Variants in ROCK1 observed in about 807,000 individuals in gnomAD.
ROCK1 encodes the protein Rho associated coiled-coil containing protein kinase 1, also known as rho-associated protein kinase 1.
In ROCK1, 36 loss-of-function variants were observed where a neutral mutation model predicts 196.8. The ratio of observed to expected loss-of-function variants is 0.18; its 90% CI spans 0.14 to 0.24. The LOEUF (loss-of-function observed/expected upper bound fraction) is 0.24, where lower values mean the gene tolerates loss of function less well. Among genes scored for constraint, ROCK1 ranks in the 10% least tolerant of loss-of-function variants. The pLI, the probability that ROCK1 is intolerant of heterozygous loss-of-function variation, is 1.00. For missense variants in ROCK1, 920 were observed against 1,562.0 expected (o/e 0.59, Z 6.93); for synonymous variants, 443 against 515.9 (o/e 0.86, Z 1.91).
rs562757398 is a variant in ROCK1, at chr18:20,995,517, G to A, written c.1886-2580C>T. ...TCCCCAATTCCAGGTCCTGGTTCTTGGATGGCATTTCTGGACCTGCTCTGG... is the reference window on the plus strand; with the variant it reads ...TCCCCAATTCCAGGTCCTGGTTCTTAGATGGCATTTCTGGACCTGCTCTGG... On this transcript the variant is annotated intron_variant, in intron 16 of 32. Transcript: ENST00000399799. Among the ~76,000 whole-genome samples the A allele has an allele frequency of 2.6e-5, 4 of 152,250 alleles. No individual in the cohort carries two copies. In the East Asian group the frequency reaches 7.7e-4, roughly 29 times the overall value.
intron 13 of ROCK1, among the ~76,000 whole-genome samples, chr18:21,013,869 G>A (rs2035839741): frequency 6.6e-6 from 1 of 151,944 alleles, no homozygotes; most frequent in Admixed American, 6.6e-5. Context: ...AGACAATCCT[G>A]GCTAATACAG....
At chr18:21,068,942 G>T (rs2036360252) in intron 2 of ROCK1, among the ~76,000 whole-genome samples, 1 of 152,058 alleles carries the variant, frequency 6.6e-6, no homozygotes, top group African/African-American at 2.4e-5. Context: ...TTTTCAATCT[G>T]TACGGCTTTT....
intron 13 of ROCK1, among the ~76,000 whole-genome samples, chr18:21,008,764 A>G (rs2143441578): frequency 6.6e-6 from 1 of 152,338 alleles, no homozygotes; most frequent in Non-Finnish European, 1.5e-5. Flanking sequence ...CTAAGAGTTT[A>G]TCATTCTAAC....
chr18:21,077,390 T>A (rs1287672240), intron 1 of ROCK1, among the ~76,000 whole-genome samples: 3 of 152,122 alleles, frequency 2.0e-5, no homozygotes, highest in South Asian at 4.1e-4. Flanking sequence ...TTCTATCTTG[T>A]ATGGGAGATA....
At chr18:20,989,546 CTA>C (rs2035605600) in intron 18 of ROCK1, among the ~76,000 whole-genome samples, 1 of 152,106 alleles carries the variant, frequency 6.6e-6, no homozygotes, top group African/African-American at 2.4e-5. Flanking sequence ...TGAAGTTTGA[CTA>C]TTTTATTAAT....
At chr18:20,958,300 A>ATACTTAAT (rs1265088930) in intron 29 of ROCK1, among the ~76,000 whole-genome samples, 1 of 152,144 alleles carries the variant, frequency 6.6e-6, no homozygotes, top group Non-Finnish European at 1.5e-5. Flanking sequence ...AGCTCCACAA[A>ATACTTAAT]TACTTAATTC....
Position 21,111,378 on chromosome 18 carries a change from C to T in ROCK1, c.-468G>A. On this transcript the variant is annotated 5_prime_UTR_variant, in exon 1 of 33. Coordinates refer to ENST00000399799, the MANE Select transcript of ROCK1 (RefSeq NM_005406.3). The surrounding 1 kb of genome is among the most constrained non-coding windows in gnomAD (Gnocchi z 4.2). ...GGGTGAGGAGCTGTGCCAGCTGCGG[C>T]CGCCGCTCGGGCCACGGGCCGGGCC... The T allele has an allele frequency of 4.8e-6, 2 of 415,542 alleles. No homozygotes were observed. The highest frequency in any genetic ancestry group is 4.2e-6 in the Non-Finnish European group (1 of 235,856). The allele number at this position is 415,542 out of a possible 1,614,324, so 25.7% of individuals were successfully genotyped here.
At chr18:21,040,448 C>CA in intron 8 of ROCK1, among the ~76,000 whole-genome samples, 1 of 152,052 alleles carries the variant, frequency 6.6e-6, no homozygotes, top group South Asian at 2.1e-4. Flanking sequence ...TTTTGGTGAG[C>CA]AAAAAGTTTT....
chr18:21,095,068 A>T (rs1379220402), intron 1 of ROCK1, among the ~76,000 whole-genome samples: 1 of 151,642 alleles, frequency 6.6e-6, no homozygotes, highest in South Asian at 2.1e-4. Context: ...AAAAAAAAAA[A>T]AAAGACATAC....
chr18:21,053,603 A>T (rs2036222789), intron 2 of ROCK1, among the ~76,000 whole-genome samples: 1 of 152,224 alleles, frequency 6.6e-6, no homozygotes, highest in African/African-American at 2.4e-5. Flanking sequence ...TGGGACACAG[A>T]GGCAGGAGGA....
intron 19 of ROCK1, among the ~76,000 whole-genome samples, chr18:20,986,653 C>CT (rs962660818): frequency 9.2e-5 from 14 of 151,578 alleles, no homozygotes; most frequent in Admixed American, 3.3e-4. Flanking sequence ...ATAATAAAGA[C>CT]TTTTTTTTTC....
At chr18:20,974,950 A>G (rs1285350243) in intron 22 of ROCK1, among the ~76,000 whole-genome samples, 5 of 152,210 alleles carry the variant, frequency 3.3e-5, no homozygotes, top group Admixed American at 2.0e-4. Context: ...TCCCCTTGCC[A>G]TAACAGCCAA....
At chr18:21,078,186 G>A (rs140551115) in intron 1 of ROCK1, among the ~76,000 whole-genome samples, 3,556 of 152,124 alleles carry the variant, frequency 0.023, 145 homozygotes, top group African/African-American at 0.081. Context: ...AAAATTAGCC[G>A]GGTGTGGTGG....
At chr18:21,032,777 C>T (rs373428133) in intron 9 of ROCK1, among the ~76,000 whole-genome samples, 1 of 151,646 alleles carries the variant, frequency 6.6e-6, no homozygotes, top group African/African-American at 2.4e-5. Context: ...CTGCCTTGGC[C>T]TCCCAAAGTG....
intron 16 of ROCK1, among the ~76,000 whole-genome samples, chr18:21,003,933 A>T (rs1316712166): frequency 6.6e-6 from 1 of 152,200 alleles, no homozygotes; most frequent in Non-Finnish European, 1.5e-5. Context: ...AAAGACTTTT[A>T]AAAATGGTTA....
chr18:20,979,876 T>C, intron 22 of ROCK1, 34 bp downstream of exon 22: 1 of 1,511,996 alleles, frequency 6.6e-7, no homozygotes, highest in Non-Finnish European at 8.9e-7. Flanking sequence ...CCTGTTGCAG[T>C]ACTGATTCTT....
intron 2 of ROCK1, among the ~76,000 whole-genome samples, chr18:21,055,154 T>C (rs1279942021): frequency 1.3e-5 from 2 of 152,200 alleles, no homozygotes; most frequent in Non-Finnish European, 2.9e-5. Context: ...AATCCTATTA[T>C]AGTTAAATCC....
chr18:21,087,849 C>T (rs1398748971), intron 1 of ROCK1, among the ~76,000 whole-genome samples: 1 of 152,158 alleles, frequency 6.6e-6, no homozygotes, highest in Non-Finnish European at 1.5e-5. Context: ...CCCAAAATAG[C>T]AGAATACACA....
intron 5 of ROCK1, chr18:21,045,062 T>C: frequency 3.9e-6 from 1 of 258,048 alleles, no homozygotes; most frequent in Non-Finnish European, 7.3e-6. Flanking sequence ...GGTTTCACCA[T>C]GTTGTCCAGG....
Sources: allele counts gnomAD v4.1 joint callset (sites outside exome capture counted in the v4.1 genomes callset), GRCh38; gene constraint gnomAD v4.1.1; non-coding constraint Gnocchi (gnomAD v3.1); transcripts MANE v1.5; gene names NCBI Gene and HGNC (gene_info 2026-07-23, HGNC 2026-07-21).